The following UBASH3A variants were observed in gnomAD, a reference collection of about 807,000 sequenced individuals.
The protein encoded by UBASH3A is ubiquitin associated and SH3 domain containing A.
In UBASH3A, 63 loss-of-function variants were observed where a neutral mutation model predicts 73.5. That is an observed-to-expected ratio of 0.86 (90% CI 0.70 to 1.06). The LOEUF (loss-of-function observed/expected upper bound fraction) is 1.06, where lower values mean the gene tolerates loss of function less well. Ranked by LOEUF, UBASH3A falls within the 50% of genes least tolerant of loss-of-function variation. UBASH3A has a pLI of 0.00. For synonymous variants in UBASH3A, 363 were observed against 351.1 expected (o/e 1.03, Z -0.38); for missense variants, 860 against 859.0 (o/e 1.00, Z -0.02).
chr21:42,434,421 C>G (rs987066727), intron 9 of UBASH3A, among the ~76,000 whole-genome samples: 2 of 152,274 alleles, frequency 1.3e-5, no homozygotes, highest in East Asian at 3.9e-4. Flanking sequence ...AGCACTCTGT[C>G]CCCTGAGCAA....
At chr21:42,408,898 TAAAATAAAATAA>T (rs758178719) in intron 2 of UBASH3A, among the ~76,000 whole-genome samples, 7,418 of 127,796 alleles carry the variant, frequency 0.058, 297 homozygotes, top group Middle Eastern at 0.12. Context: ...TAAAATAAAA[TAAAATAAAATAA>T]AATAAAATAA....
chr21:42,424,172 A>G (rs2053394021), intron 7 of UBASH3A, among the ~76,000 whole-genome samples: 1 of 151,822 alleles, frequency 6.6e-6, no homozygotes, highest in Admixed American at 6.6e-5. Context: ...CCTGGTCAGG[A>G]CTCACACTTG....
In UBASH3A at chr21:42,431,476, C is replaced by G. The variant is rs374812063; in HGVS notation, c.1171-627C>G. Among the ~76,000 whole-genome samples the G allele has an allele frequency of 1.4e-3, 212 of 152,374 alleles. 12 individuals carry two copies. In the South Asian group the frequency reaches 0.043, roughly 31 times the overall value. On this transcript the variant is annotated intron_variant, in intron 8 of 14. Coordinates refer to ENST00000319294, the MANE Select transcript of UBASH3A (RefSeq NM_018961.4). ...GCTGCTGGCCACCGCCAAGGCCAGT[C>G]TCATGCCGAGAAGAAGTAAATAAAC...
intron 7 of UBASH3A, among the ~76,000 whole-genome samples, chr21:42,423,594 T>G (rs2053381432): frequency 6.6e-6 from 1 of 151,716 alleles, no homozygotes; most frequent in Non-Finnish European, 1.5e-5. Flanking sequence ...GATGGGAGAG[T>G]TTCACAGTCA....
At chr21:42,444,306 C>G (rs916577186) in intron 13 of UBASH3A, among the ~76,000 whole-genome samples, 3 of 152,218 alleles carry the variant, frequency 2.0e-5, no homozygotes, top group Non-Finnish European at 2.9e-5. Context: ...ACTTCCTAGG[C>G]CTCCCTGAGG....
At chr21:42,417,293 A>G (rs2053231137) in intron 6 of UBASH3A, among the ~76,000 whole-genome samples, 1 of 151,450 alleles carries the variant, frequency 6.6e-6, no homozygotes, top group Admixed American at 6.6e-5. Context: ...GCGTGATGGC[A>G]CGAACCTGTA....
chr21:42,415,034 G>A (rs1300359056), intron 5 of UBASH3A, among the ~76,000 whole-genome samples: 2 of 152,216 alleles, frequency 1.3e-5, no homozygotes, highest in Non-Finnish European at 2.9e-5. Flanking sequence ...CACCGAGGGG[G>A]TGGAGGGGAC....
At chr21:42,410,749 C>G (rs2053073901) in intron 3 of UBASH3A, among the ~76,000 whole-genome samples, 1 of 152,108 alleles carries the variant, frequency 6.6e-6, no homozygotes, top group African/African-American at 2.4e-5. Context: ...CTTGGCCCCC[C>G]ACTCCTTCCC....
At chr21:42,405,061 T>A (rs1568903650) in intron 1 of UBASH3A, among the ~76,000 whole-genome samples, 1 of 152,212 alleles carries the variant, frequency 6.6e-6, no homozygotes, top group Non-Finnish European at 1.5e-5. Context: ...TAACTTTGGG[T>A]TGGGGAAGGA....
chr21:42,432,347 C>T (rs1265963004), intron 9 of UBASH3A, 145 bp downstream of exon 9: 9 of 537,660 alleles, frequency 1.7e-5, no homozygotes, highest in East Asian at 1.5e-4. Flanking sequence ...GTGTGGAAAA[C>T]GTGCCTGCTA....
chr21:42,434,885 C>G lies in UBASH3A; in HGVS notation c.1324C>G (p.Arg442Gly), dbSNP rs750218016. ...NFPCSLPRRSRGIKDFENDPP... is the reference protein window; with the variant it reads ...NFPCSLPRRSGGIKDFENDPP... ...CCCCTGCAGTCTGCCAAGACGGAGT[C>G]GTGGGATCAAAGACTTTGAAAACGA... The change falls in exon 10 of 15, where the codon CGT becomes GGT. Residue 442 changes from arginine (R) to glycine (G), a missense_variant. Coordinates refer to ENST00000319294, the MANE Select transcript of UBASH3A (RefSeq NM_018961.4). 4 of 1,614,138 alleles carry G rather than the reference C, an allele frequency of 2.5e-6. No homozygotes were observed. In the South Asian group the frequency reaches 4.4e-5, roughly 18 times the overall value.
chr21:42,406,393 C>G (rs764112071), intron 2 of UBASH3A, 32 bp downstream of exon 2: 2 of 1,592,750 alleles, frequency 1.3e-6, no homozygotes, highest in Admixed American at 3.3e-5. Flanking sequence ...GACCCAGGGG[C>G]GTTTGGGCTG....
chr21:42,438,788 G>T (rs542447072), intron 11 of UBASH3A, among the ~76,000 whole-genome samples: 1 of 152,148 alleles, frequency 6.6e-6, no homozygotes, highest in South Asian at 2.1e-4. Context: ...GCACCATGGC[G>T]GGGCTGCAGT....
chr21:42,408,691 T>C (rs1180643887), intron 2 of UBASH3A, among the ~76,000 whole-genome samples: 1 of 152,090 alleles, frequency 6.6e-6, no homozygotes, highest in African/African-American at 2.4e-5. Context: ...ATTTTTATTG[T>C]TAGTGACAAT....
chr21:42,432,061 A>G (rs753000856), intron 8 of UBASH3A, 42 bp from the exon 9 acceptor site: 1 of 1,280,202 alleles, frequency 7.8e-7, no homozygotes, highest in East Asian at 2.4e-5. Context: ...AGTGAGTTGG[A>G]TGTTAAACTG....
In UBASH3A at chr21:42,413,119, C is replaced by A. The variant is rs145749877; in HGVS notation, c.450C>A (p.Leu150=). The A allele has an allele frequency of 0.021, 34,460 of 1,614,192 alleles. 431 individuals carry two copies. The highest frequency in any genetic ancestry group is 0.026 in the Non-Finnish European group (30,206 of 1,180,028). ...GSFPTAVPLA[L]HSSISYLGFF... ...TCCCCACGGCCGTGCCTCTGGCTCT[C>A]CACTCCTCCATCAGCTACCTCGGCT... The change falls in exon 4 of 15, where the codon CTC becomes CTA. Residue 150 remains leucine (L), a synonymous_variant. Transcript: ENST00000319294. This position sits in a 1 kb window ranked among gnomAD's most constrained non-coding sequence, Gnocchi z 4.5.
chr21:42,409,059 T>C (rs1356453530), intron 2 of UBASH3A, among the ~76,000 whole-genome samples: 1 of 151,930 alleles, frequency 6.6e-6, no homozygotes, highest in African/African-American at 2.4e-5. Flanking sequence ...AAATGTGAGG[T>C]TTTTCCACAA....
chr21:42,423,277 T>G (rs930813254), intron 7 of UBASH3A, among the ~76,000 whole-genome samples: 3 of 152,210 alleles, frequency 2.0e-5, no homozygotes, highest in African/African-American at 7.2e-5. Flanking sequence ...GACATAGACA[T>G]GTCCGTGGGT....
Position 42,413,397 on chromosome 21 carries a change from T to C in UBASH3A, c.554-13T>C, listed in dbSNP as rs1601563438. 1 of 1,606,956 alleles carries C rather than the reference T, an allele frequency of 6.2e-7. No individual in the cohort carries two copies. Among genetic ancestry groups the C allele is most frequent in the Non-Finnish European group, 8.5e-7 (1 of 1,175,756 alleles). On this transcript the variant is annotated splice_polypyrimidine_tract_variant and intron_variant, in intron 4 of 14. Coordinates refer to ENST00000319294, the MANE Select transcript of UBASH3A (RefSeq NM_018961.4). The surrounding 1 kb of genome is among the most constrained non-coding windows in gnomAD (Gnocchi z 4.5). ...TTCTTCCGGGCTCAGTGGCTGCACC[T>C]GTCCTCACCCAGGCACTTCCGTTTC...
Sources: allele counts gnomAD v4.1 joint callset (sites outside exome capture counted in the v4.1 genomes callset), GRCh38; gene constraint gnomAD v4.1.1; non-coding constraint Gnocchi (gnomAD v3.1); transcripts MANE v1.5; gene names NCBI Gene and HGNC (gene_info 2026-07-23, HGNC 2026-07-21).